JAKMIP2: variants seen among roughly 807,000 people sequenced by gnomAD.
JAKMIP2 encodes janus kinase and microtubule interacting protein 2, also known as janus kinase and microtubule-interacting protein 2.
Under a neutral mutation model 115.0 loss-of-function variants are expected in JAKMIP2, and 25 were observed. The ratio of observed to expected loss-of-function variants is 0.22; its 90% CI spans 0.16 to 0.30. The LOEUF (loss-of-function observed/expected upper bound fraction) is 0.30, where lower values mean the gene tolerates loss of function less well. JAKMIP2 is among the 10% of genes least tolerant of loss of function. The pLI is 1.00. For missense variants in JAKMIP2, 642 were observed against 957.6 expected, an observed-to-expected ratio of 0.67 and a Z score of 4.35; for synonymous variants, 334 against 343.6, an observed-to-expected ratio of 0.97 and a Z score of 0.31.
rs542984419 is a variant in JAKMIP2 at position 147,633,912 on chromosome 5, A to T, written c.1678-1134T>A. Among the ~76,000 whole-genome samples the T allele has an allele frequency of 3.3e-5, 5 of 150,864 alleles. No individual in the cohort carries two copies. In the East Asian group the frequency reaches 9.8e-4, roughly 30 times the overall value. On this transcript the variant is annotated intron_variant, in intron 12 of 21. Transcript: ENST00000616793. ...ACCACGTTGGCCAGGCTGGTCTTGA[A>T]CTCCTGACTTCAGGTGATCCACCCG...
At chr5:147,678,959 T>TTTTATTTATTTA (rs60338770) in intron 1 of JAKMIP2, among the ~76,000 whole-genome samples, 5 of 147,900 alleles carry the variant, frequency 3.4e-5, no homozygotes, top group African/African-American at 5.0e-5. Context: ...CCAACTACAT[T>TTTTATTTATTTA]TTTATTTATT....
At chr5:147,612,614 T>C (rs1371624381) in intron 19 of JAKMIP2, among the ~76,000 whole-genome samples, 3 of 152,252 alleles carry the variant, frequency 2.0e-5, no homozygotes, top group African/African-American at 7.2e-5. Context: ...CCACCTTTTC[T>C]ACTGAGCCTA....
intron 1 of JAKMIP2, among the ~76,000 whole-genome samples, chr5:147,697,846 T>A (rs1752166645): frequency 6.6e-6 from 1 of 152,200 alleles, no homozygotes; most frequent in Admixed American, 6.5e-5. Context: ...TCATGGAGAA[T>A]CTTTGCTAGG....
At chr5:147,714,739 C>T (rs750177014) in intron 1 of JAKMIP2, among the ~76,000 whole-genome samples, 23 of 152,118 alleles carry the variant, frequency 1.5e-4, no homozygotes, top group Admixed American at 1.3e-4. Flanking sequence ...GACTTCTCAA[C>T]AGCAACACAA....
chr5:147,590,204 C>T lies in JAKMIP2; in HGVS notation c.*1503G>A, dbSNP rs1755045528. 1 of 152,172 alleles carries T rather than the reference C, an allele frequency of 6.6e-6. No individual in the cohort carries two copies. Among genetic ancestry groups the T allele is most frequent in the Admixed American group, 6.5e-5 (1 of 15,272 alleles). 9.4% of individuals were successfully genotyped at this position (152,172 alleles called of 1,614,324 possible). ...ATATGGAAAGATTTGTATAGCATTT[C>T]ATAGAAAGAGTTTCTGGCTCCCTAC... On this transcript the variant is annotated 3_prime_UTR_variant, in exon 22 of 22. Coordinates refer to ENST00000616793, the MANE Select transcript of JAKMIP2 (RefSeq NM_001270941.2).
intron 1 of JAKMIP2, among the ~76,000 whole-genome samples, chr5:147,712,765 T>C (rs983661691): frequency 6.6e-6 from 1 of 152,144 alleles, no homozygotes; most frequent in Admixed American, 6.6e-5. Flanking sequence ...TCCACTCTGA[T>C]GGAAAGAATA....
At chr5:147,696,164 A>C (rs776026889) in intron 1 of JAKMIP2, among the ~76,000 whole-genome samples, 15 of 152,116 alleles carry the variant, frequency 9.9e-5, no homozygotes, top group Non-Finnish European at 7.4e-5. Flanking sequence ...GTTTACTGAG[A>C]CCGACATGTT....
chr5:147,654,189 T>C (rs1365812733), intron 3 of JAKMIP2, among the ~76,000 whole-genome samples: 1 of 152,028 alleles, frequency 6.6e-6, no homozygotes, highest in Admixed American at 6.5e-5. Flanking sequence ...GTGTTGGCTA[T>C]ATGGGCTCTT....
Position 147,782,588 on chromosome 5 carries a change from C to T in JAKMIP2, c.-281G>A. On this transcript the variant is annotated 5_prime_UTR_variant, in exon 1 of 22. Transcript: ENST00000616793. ...CTGCCGGTTTTTTTTTTCCCTCTGT[C>T]TCTGGTTGGCGATGGTGCGAATAGG... 1 of 922,364 alleles carries T rather than the reference C, an allele frequency of 1.1e-6. No individual in the cohort carries two copies. The highest frequency in any genetic ancestry group is 1.7e-6 in the Non-Finnish European group (1 of 588,186). The allele number at this position is 922,364 out of a possible 1,614,324, so 57.1% of individuals were successfully genotyped here. A position where few individuals can be genotyped will look rare whatever the true frequency, so the allele number is the denominator to read the frequency against.
intron 1 of JAKMIP2, among the ~76,000 whole-genome samples, chr5:147,702,439 T>TAGGA (rs377372312): frequency 0.036 from 3,110 of 85,664 alleles, 70 homozygotes; most frequent in Non-Finnish European, 0.048. Context: ...GGAAGGAAGG[T>TAGGA]AGGAAGGAAG....
intron 13 of JAKMIP2, among the ~76,000 whole-genome samples, chr5:147,632,419 C>T (rs3763091): frequency 0.063 from 9,633 of 152,096 alleles, 855 homozygotes; most frequent in African/African-American, 0.2. Context: ...TAGTCTTGCT[C>T]ATAAAAGATA....
intron 1 of JAKMIP2, among the ~76,000 whole-genome samples, chr5:147,677,318 G>A (rs542429972): frequency 5.5e-4 from 83 of 152,262 alleles, no homozygotes; most frequent in African/African-American, 1.7e-3. Context: ...CCCTATAAGC[G>A]CTGTCTTCAA....
rs556417973 is a variant in JAKMIP2, at chr5:147,706,962, C to A, written c.-148-35008G>T. Among the ~76,000 whole-genome samples the A allele has an allele frequency of 9.8e-4, 149 of 152,236 alleles. 1 individual carries two copies. Among genetic ancestry groups the A allele is most frequent in the African/African-American group, 3.6e-3 (148 of 41,552 alleles). On this transcript the variant is annotated intron_variant, in intron 1 of 21. Transcript: ENST00000616793. ...AAAGAATTGAAATTAGTATTTAGTT[C>A]TTTCTGCTGTCAAAGCTAATGTATT...
intron 1 of JAKMIP2, among the ~76,000 whole-genome samples, chr5:147,737,855 G>T (rs1038824840): frequency 6.6e-6 from 1 of 152,166 alleles, no homozygotes; most frequent in Non-Finnish European, 1.5e-5. Context: ...CAGAACGTTA[G>T]ATTTAAGATG....
At chr5:147,631,206 T>C (rs1426110113) in intron 14 of JAKMIP2, among the ~76,000 whole-genome samples, 2 of 152,224 alleles carry the variant, frequency 1.3e-5, no homozygotes, top group Non-Finnish European at 2.9e-5. Flanking sequence ...CCTCTGTTTC[T>C]TCTGTTATCA....
At chr5:147,745,807 G>A (rs979345856) in intron 1 of JAKMIP2, among the ~76,000 whole-genome samples, 1 of 152,148 alleles carries the variant, frequency 6.6e-6, no homozygotes, top group African/African-American at 2.4e-5. Context: ...TTGGACTTTA[G>A]TTAATTTATT....
chr5:147,742,156 T>TATATATATATA (rs1554084271), intron 1 of JAKMIP2, among the ~76,000 whole-genome samples: 15 of 83,980 alleles, frequency 1.8e-4, no homozygotes, highest in African/African-American at 4.4e-4. Flanking sequence ...TATATATATA[T>TATATATATATA]TTTTTTTACT....
intron 1 of JAKMIP2, among the ~76,000 whole-genome samples, chr5:147,753,231 G>C (rs530557256): frequency 6.6e-6 from 1 of 152,146 alleles, no homozygotes; most frequent in South Asian, 2.1e-4. Flanking sequence ...ATAGTAACCG[G>C]TTACTGAGAA....
chr5:147,644,960 G>C lies in JAKMIP2; in HGVS notation c.973C>G (p.Pro325Ala). 2 of 1,613,652 alleles carry C rather than the reference G, an allele frequency of 1.2e-6. No homozygotes were observed. Among genetic ancestry groups the C allele is most frequent in the African/African-American group, 2.7e-5 (2 of 74,938 alleles). The change falls in exon 6 of 22, where the codon CCT becomes GCT. Residue 325 changes from proline (P) to alanine (A), a missense_variant. This residue lies in a region of JAKMIP2 where 439 missense variants were observed against 570.9 expected (regional missense o/e 0.77). Transcript: ENST00000616793. ...RVRETEKQCK[P>A]LLERNKCLAK... is the part of the protein sequence containing the mutation. Reference sequence around the variant, plus strand: ...AGGCACTTGTTCCTTTCCAGGAGAGGTTTACATTGCTTTTCGGTTTCCCGC... The same window carrying C: ...AGGCACTTGTTCCTTTCCAGGAGAGCTTTACATTGCTTTTCGGTTTCCCGC...
Sources: gnomAD v4.1 joint callset for allele counts (sites outside exome capture counted in the v4.1 genomes callset) on GRCh38, gnomAD v4.1.1 for gene constraint, gnomAD v4.1.1 regional missense constraint, MANE v1.5 for transcripts, NCBI Gene and HGNC (gene_info 2026-07-23, HGNC 2026-07-21) for gene names.